Variants in SCN4B observed in about 807,000 individuals in gnomAD.
The protein encoded by SCN4B is sodium voltage-gated channel beta subunit 4.
In SCN4B, 20 loss-of-function variants were observed where a neutral mutation model predicts 19.6. The observed-to-expected ratio is 1.02, with a 90% confidence interval of 0.72 to 1.48. The LOEUF (loss-of-function observed/expected upper bound fraction) is 1.48. Ranked by LOEUF, SCN4B falls within the 40% of genes most tolerant of loss-of-function variation. The pLI, the probability that SCN4B is intolerant of heterozygous loss-of-function variation, is 0.00. For synonymous variants in SCN4B, 127 were observed against 122.8 expected, an observed-to-expected ratio of 1.03 and a Z score of -0.22; for missense variants, 271 against 287.5, an observed-to-expected ratio of 0.94 and a Z score of 0.42.
Position 118,133,562 on chromosome 11 carries a change from G to C in SCN4B, c.*3465C>G, listed in dbSNP as rs1172930073. On this transcript the variant is annotated 3_prime_UTR_variant, in exon 5 of 5. Coordinates refer to ENST00000324727, the MANE Select transcript of SCN4B (RefSeq NM_174934.4). Reference sequence around the variant, plus strand: ...CTGAGGCCTCCCAAGGCCTGTTGTTGCATCATTTGATCTATAGTTACATAG... The same window carrying C: ...CTGAGGCCTCCCAAGGCCTGTTGTTCCATCATTTGATCTATAGTTACATAG... 1 of 454,452 alleles carries C rather than the reference G, an allele frequency of 2.2e-6. No homozygotes were observed. 28.2% of individuals were successfully genotyped at this position (454,452 alleles called of 1,614,324 possible).
Position 118,135,956 on chromosome 11 carries a change from A to C in SCN4B, c.*1071T>G. ...AGGACCCCCTCATCCAAAGGAAGAG[A>C]GTCCCTGAGGCGAAGGCAGGCCCTT... On this transcript the variant is annotated 3_prime_UTR_variant, in exon 5 of 5. Transcript: ENST00000324727. 1 of 453,698 alleles carries C rather than the reference A, an allele frequency of 2.2e-6. No homozygotes were observed. The highest frequency in any genetic ancestry group is 1.6e-5 in the South Asian group (1 of 64,434). The allele number at this position is 453,698 out of a possible 1,614,324, so 28.1% of individuals were successfully genotyped here. A position where few individuals can be genotyped will look rare whatever the true frequency, so the allele number is the denominator to read the frequency against.
chr11:118,141,748 T>C (rs1047628534), intron 3 of SCN4B: 23 of 226,258 alleles, frequency 1.0e-4, no homozygotes, highest in Non-Finnish European at 8.9e-6. Flanking sequence ...ACCTCTTAGA[T>C]GGTGAGAAGA....
At chr11:118,140,932 C>T (rs184071119) in intron 4 of SCN4B, among the ~76,000 whole-genome samples, 304 of 152,042 alleles carry the variant, frequency 2.0e-3, no homozygotes, top group African/African-American at 6.9e-3. Flanking sequence ...GCTAATGGGA[C>T]GGGAAGGAAG....
intron 3 of SCN4B, among the ~76,000 whole-genome samples, chr11:118,143,330 C>T (rs1166637346): frequency 1.3e-5 from 2 of 152,188 alleles, no homozygotes; most frequent in African/African-American, 4.8e-5. Context: ...TTGTTTTCAC[C>T]TCTACTGACA....
At chr11:118,142,972 G>C (rs966392322) in intron 3 of SCN4B, 1 of 152,244 alleles carries the variant, frequency 6.6e-6, no homozygotes, top group Non-Finnish European at 1.5e-5. Context: ...TTGAACTCAC[G>C]GGTGTCTCCC....
intron 3 of SCN4B, 89 bp from the exon 4 acceptor site, chr11:118,141,425 G>A (rs1252034303): frequency 2.0e-6 from 3 of 1,530,546 alleles, no homozygotes; most frequent in Non-Finnish European, 2.7e-6. Context: ...CAAGGGCCAT[G>A]TAGCCTCCAC....
chr11:118,146,512 T>A (rs1948178909), intron 1 of SCN4B, among the ~76,000 whole-genome samples: 1 of 152,144 alleles, frequency 6.6e-6, no homozygotes, highest in African/African-American at 2.4e-5. Context: ...ATCATAAACC[T>A]CTTGTTTTGC....
intron 1 of SCN4B, among the ~76,000 whole-genome samples, chr11:118,149,266 C>G (rs1056645388): frequency 6.6e-6 from 1 of 152,200 alleles, no homozygotes; most frequent in Non-Finnish European, 1.5e-5. Flanking sequence ...TCACAGCCAC[C>G]CCAGGATGCG....
At chr11:118,138,580 A>C (rs1376938220) in intron 4 of SCN4B, among the ~76,000 whole-genome samples, 1 of 152,170 alleles carries the variant, frequency 6.6e-6, no homozygotes, top group South Asian at 2.1e-4. Context: ...TATTCCACGC[A>C]GTCCATAATT....
At position 118,135,581 on chromosome 11, in the gene SCN4B, A is replaced by T. The variant is rs1947983169; in HGVS notation, c.*1446T>A. On this transcript the variant is annotated 3_prime_UTR_variant, in exon 5 of 5. Transcript: ENST00000324727. Reference sequence around the variant, plus strand: ...ACTCCCAACATCACCACCTCCCCCTAGGGCAGGCTAGAAACCCCAATGGGA... The same window carrying T: ...ACTCCCAACATCACCACCTCCCCCTTGGGCAGGCTAGAAACCCCAATGGGA... 2.2e-6 allele frequency: 1 copy of T among 453,934 alleles called. No individual in the cohort carries two copies. The highest frequency in any genetic ancestry group is 2.0e-5 in the African/African-American group (1 of 49,984). 28.1% of individuals were successfully genotyped at this position (453,934 alleles called of 1,614,324 possible).
intron 4 of SCN4B, among the ~76,000 whole-genome samples, chr11:118,139,741 A>T (rs577877386): frequency 3.3e-5 from 5 of 152,294 alleles, no homozygotes; most frequent in African/African-American, 1.2e-4. Context: ...ACTTTGCTCA[A>T]TTGTAAAATA....
At chr11:118,143,148 C>T (rs1304226920) in intron 3 of SCN4B, among the ~76,000 whole-genome samples, 1 of 152,230 alleles carries the variant, frequency 6.6e-6, no homozygotes, top group Non-Finnish European at 1.5e-5. Flanking sequence ...CTCACTTCTC[C>T]AGCCCTGGTT....
Position 118,148,366 on chromosome 11 carries a change from G to T in SCN4B, c.62-3137C>A, listed in dbSNP as rs1290276430. Among the ~76,000 whole-genome samples, 2 of 152,212 alleles carry T rather than the reference G, an allele frequency of 1.3e-5. No homozygotes were observed. The highest frequency in any genetic ancestry group is 4.8e-5 in the African/African-American group (2 of 41,454). Reference sequence around the variant, plus strand: ...AGTGTCTCCTATGAGGCTGCTCTGGGGGAGAGGGGGGAACCAGGGGCAGGT... The same window carrying T: ...AGTGTCTCCTATGAGGCTGCTCTGGTGGAGAGGGGGGAACCAGGGGCAGGT... On this transcript the variant is annotated intron_variant, in intron 1 of 4. Transcript: ENST00000324727. The surrounding 1 kb of genome is among the most constrained non-coding windows in gnomAD (Gnocchi z 4.0).
At position 118,134,317 on chromosome 11, in the gene SCN4B, C is replaced by G. The variant is rs567517333; in HGVS notation, c.*2710G>C. On this transcript the variant is annotated 3_prime_UTR_variant, in exon 5 of 5. Coordinates refer to ENST00000324727, the MANE Select transcript of SCN4B (RefSeq NM_174934.4). ...TGCATGTGGCCAGGTCTCTCAAGAT[C>G]GACTTTGTAAGTGGCTCTCTCTAGC... 3.7e-5 allele frequency: 17 copies of G among 454,016 alleles called. No individual in the cohort carries two copies. The highest frequency in any genetic ancestry group is 7.1e-5 in the Non-Finnish European group (16 of 226,810). 28.1% of individuals were successfully genotyped at this position (454,016 alleles called of 1,614,324 possible).
At chr11:118,146,802 C>T (rs1042243302) in intron 1 of SCN4B, among the ~76,000 whole-genome samples, 1 of 152,174 alleles carries the variant, frequency 6.6e-6, no homozygotes, top group African/African-American at 2.4e-5. Context: ...CTATGAGTCA[C>T]GTACTATTAT....
chr11:118,134,211 T>C lies in SCN4B; in HGVS notation c.*2816A>G, dbSNP rs1397832499. 6.6e-6 allele frequency: 3 copies of C among 454,182 alleles called. No individual in the cohort carries two copies. Among genetic ancestry groups the C allele is most frequent in the South Asian group, 4.7e-5 (3 of 64,480 alleles). The allele number at this position is 454,182 out of a possible 1,614,324, so 28.1% of individuals were successfully genotyped here. ...ACGACATGGGGAGAAGCCCAGAACC[T>C]GGAATGCTGATTTCATATTTTGTAG... On this transcript the variant is annotated 3_prime_UTR_variant, in exon 5 of 5. Coordinates refer to ENST00000324727, the MANE Select transcript of SCN4B (RefSeq NM_174934.4).
At chr11:118,137,835 A>C (rs1431478923) in intron 4 of SCN4B, among the ~76,000 whole-genome samples, 2 of 152,302 alleles carry the variant, frequency 1.3e-5, no homozygotes, top group African/African-American at 4.8e-5. Flanking sequence ...CTGAGGACAC[A>C]GAGTCCCTCT....
intron 4 of SCN4B, among the ~76,000 whole-genome samples, chr11:118,139,405 C>T (rs1948066640): frequency 6.6e-6 from 1 of 152,218 alleles, no homozygotes; most frequent in African/African-American, 2.4e-5. Flanking sequence ...CCCACAGCAG[C>T]ATCGTATCAA....
At chr11:118,147,407 G>A (rs118075375) in intron 1 of SCN4B, among the ~76,000 whole-genome samples, 2,183 of 152,226 alleles carry the variant, frequency 0.014, 23 homozygotes, top group Admixed American at 0.023. Context: ...GAGGAAACAG[G>A]CTTAAAAAGA....
Sources: gnomAD v4.1 joint callset for allele counts (sites outside exome capture counted in the v4.1 genomes callset) on GRCh38, gnomAD v4.1.1 for gene constraint, Gnocchi (gnomAD v3.1) non-coding constraint, MANE v1.5 for transcripts, NCBI Gene and HGNC (gene_info 2026-07-23, HGNC 2026-07-21) for gene names.